Variants in CR2 observed in about 807,000 individuals in gnomAD.
CR2 encodes the protein complement receptor type 2.
In CR2, 96 loss-of-function variants were observed where a neutral mutation model predicts 123.0. The ratio of observed to expected loss-of-function variants is 0.78; its 90% CI spans 0.66 to 0.93. The LOEUF (loss-of-function observed/expected upper bound fraction) is 0.93. Among genes scored for constraint, CR2 ranks in the 40% least tolerant of loss-of-function variants. The pLI, the probability that CR2 is intolerant of heterozygous loss-of-function variation, is 0.00. For missense variants in CR2, 1,258 were observed against 1,361.0 expected (o/e 0.92, Z 1.19); for synonymous variants, 484 against 469.5 (o/e 1.03, Z -0.40).
intron 9 of CR2, 22 bp downstream of exon 9, chr1:207,471,521 G>A (rs12116607): frequency 6.6e-7 from 1 of 1,515,880 alleles, no homozygotes; most frequent in Non-Finnish European, 9.2e-7. Flanking sequence ...AAATGATATA[G>A]GAGCTGAAAT....
rs1658104389 is a variant in CR2 at position 207,466,575 on chromosome 1, T to C, written c.108T>C (p.Tyr36=). Residue 36 remains tyrosine, a synonymous_variant, in exon 2 of 20, where the codon TAT becomes TAC. Coordinates refer to ENST00000367057, the MANE Select transcript of CR2 (RefSeq NM_001006658.3). ...PPPILNGRIS[Y]YSTPIAVGTV... ...CTATCCTAAATGGCCGGATTAGTTA[T>C]TATTCTACCCCCATTGCTGTTGGTA... 1 of 1,614,020 alleles carries C rather than the reference T, an allele frequency of 6.2e-7. No individual in the cohort carries two copies. The highest frequency in any genetic ancestry group is 8.5e-7 in the Non-Finnish European group (1 of 1,179,990).
chr1:207,469,909 T>C lies in CR2; in HGVS notation c.1032T>C (p.Leu344=). The change falls in exon 6 of 20, where the codon CTT becomes CTC. Residue 344 remains leucine (L), a synonymous_variant. Transcript: ENST00000367057. ...GTGGCCCTGCCCCACGCTGTGAACT[T>C]TCTACTTCTGCGGTTCAGTGTCCAC... ...TWSGPAPRCE[L]STSAVQCPHP... 2 of 1,613,992 alleles carry C rather than the reference T, an allele frequency of 1.2e-6. No individual in the cohort carries two copies. The highest frequency in any genetic ancestry group is 1.7e-6 in the Non-Finnish European group (2 of 1,179,944).
intron 1 of CR2, among the ~76,000 whole-genome samples, chr1:207,457,324 G>A (rs1177251781): frequency 6.6e-6 from 1 of 152,150 alleles, no homozygotes; most frequent in Non-Finnish European, 1.5e-5. Context: ...TCATGATCAT[G>A]TTCCATACCC....
At chr1:207,463,476 CT>C (rs1483964321) in intron 1 of CR2, among the ~76,000 whole-genome samples, 3 of 152,164 alleles carry the variant, frequency 2.0e-5, no homozygotes, top group Non-Finnish European at 4.4e-5. Flanking sequence ...GTCTCCAGTG[CT>C]ACTGACCAGG....
intron 1 of CR2, among the ~76,000 whole-genome samples, chr1:207,459,247 T>G (rs1016659563): frequency 6.6e-6 from 1 of 152,092 alleles, no homozygotes; most frequent in Non-Finnish European, 1.5e-5. Context: ...TATGATAGTT[T>G]GGGTTAACAG....
intron 14 of CR2, 48 bp downstream of exon 14, chr1:207,475,264 GAA>G: frequency 1.3e-6 from 2 of 1,599,380 alleles, no homozygotes; most frequent in Non-Finnish European, 1.7e-6. Flanking sequence ...ACAGAATAAA[GAA>G]AAGAGGTTTT....
At position 207,476,239 on chromosome 1, in the gene CR2, A is replaced by G. The variant is rs749526145; in HGVS notation, c.2722A>G (p.Ile908Val). The change falls in exon 15 of 20, where the codon ATA (isoleucine) becomes GTA (valine). Residue 908 changes from isoleucine (I) to valine (V), a missense_variant. Coordinates refer to ENST00000367057, the MANE Select transcript of CR2 (RefSeq NM_001006658.3). ...CTTTCTTATTGGTGTCTAAGCCTTC[A>G]TAGGGTGTCCACCTCCGCCTAAGAC... The part of the protein sequence containing the change: ...GVPTCIKKAF[I>V]GCPPPPKTPN... 1.2e-6 allele frequency: 2 copies of G among 1,613,618 alleles called. No homozygotes were observed. The highest frequency in any genetic ancestry group is 1.7e-5 in the Admixed American group (1 of 59,986).
At chr1:207,481,204 T>C (rs1434365308) in intron 18 of CR2, among the ~76,000 whole-genome samples, 2 of 152,144 alleles carry the variant, frequency 1.3e-5, no homozygotes, top group Non-Finnish European at 2.9e-5. Flanking sequence ...TTTTATGGTA[T>C]GGTAGTTGAA....
Position 207,466,584 on chromosome 1 carries a change from C to A in CR2, c.117C>A (p.Thr39=), listed in dbSNP as rs1459014074. ...ILNGRISYYS[T]PIAVGTVIRY... is the part of the protein sequence containing the mutation. The stretch of plus-strand genomic sequence containing the variant: ...ATGGCCGGATTAGTTATTATTCTAC[C>A]CCCATTGCTGTTGGTACCGTGATAA... Residue 39 remains threonine, a synonymous_variant, in exon 2 of 20, where the codon ACC becomes ACA. Coordinates refer to ENST00000367057, the MANE Select transcript of CR2 (RefSeq NM_001006658.3). 1 of 1,614,016 alleles carries A rather than the reference C, an allele frequency of 6.2e-7. No individual in the cohort carries two copies. The highest frequency in any genetic ancestry group is 1.7e-5 in the Admixed American group (1 of 60,002).
At chr1:207,477,212 T>C (rs139454933) in intron 15 of CR2, among the ~76,000 whole-genome samples, 1 of 152,310 alleles carries the variant, frequency 6.6e-6, no homozygotes, top group East Asian at 1.9e-4. Flanking sequence ...AGCCTCACAA[T>C]CATGGCAGAA....
At chr1:207,482,895 AGT>A in intron 18 of CR2, among the ~76,000 whole-genome samples, 1 of 150,808 alleles carries the variant, frequency 6.6e-6, no homozygotes, top group African/African-American at 2.4e-5. Flanking sequence ...GCTGGGAAAT[AGT>A]GTGTGTGTGA....
chr1:207,471,808 A>G (rs1658291813), intron 9 of CR2: 1 of 368,848 alleles, frequency 2.7e-6, no homozygotes, highest in Non-Finnish European at 5.2e-6. Flanking sequence ...AGAGTAAGGG[A>G]TAGGTGTCAG....
intron 9 of CR2, chr1:207,471,705 A>ATTCTATT (rs1488116265): frequency 1.4e-4 from 71 of 515,788 alleles, no homozygotes; most frequent in Admixed American, 3.7e-4. Flanking sequence ...TTTGTTACTG[A>ATTCTATT]TTCTATTTTG....
intron 18 of CR2, among the ~76,000 whole-genome samples, chr1:207,482,174 T>C (rs1019049011): frequency 6.6e-6 from 1 of 152,210 alleles, no homozygotes; most frequent in African/African-American, 2.4e-5. Context: ...TTTTCCCTAT[T>C]TAAAATCACT....
intron 2 of CR2, among the ~76,000 whole-genome samples, chr1:207,467,328 A>T (rs1270549): frequency 3.3e-5 from 5 of 151,624 alleles, no homozygotes; most frequent in Non-Finnish European, 1.5e-5. Context: ...CTGCTAACAC[A>T]GTCTAGCACA....
At chr1:207,474,104 A>C (rs1198432240) in intron 12 of CR2, 137 bp from the exon 13 acceptor site, 2 of 889,046 alleles carry the variant, frequency 2.2e-6, no homozygotes, top group African/African-American at 3.4e-5. Context: ...TTTTACTTGG[A>C]GTAAAAAAAA....
chr1:207,489,041 C>T (rs1658821651), intron 19 of CR2, 101 bp from the exon 20 acceptor site: 1 of 152,132 alleles, frequency 6.6e-6, no homozygotes, highest in Admixed American at 6.6e-5. Context: ...TTGGTTATAC[C>T]AGCTGTAACT....
intron 1 of CR2, among the ~76,000 whole-genome samples, chr1:207,461,693 T>C (rs1474391232): frequency 6.6e-6 from 1 of 152,166 alleles, no homozygotes. Context: ...GCTGTTGAGA[T>C]ATCTTGCAAA....
chr1:207,459,425 A>G (rs1657914521), intron 1 of CR2, among the ~76,000 whole-genome samples: 2 of 152,018 alleles, frequency 1.3e-5, no homozygotes, highest in South Asian at 4.1e-4. Context: ...GTATTAAGGT[A>G]TTTGATTATA....
Sources: gnomAD v4.1 joint callset for allele counts (sites outside exome capture counted in the v4.1 genomes callset) on GRCh38, gnomAD v4.1.1 for gene constraint, MANE v1.5 for transcripts, NCBI Gene and HGNC (gene_info 2026-07-23, HGNC 2026-07-21) for gene names.